The following PCDH7 variants were observed in gnomAD, a reference collection of about 807,000 sequenced individuals.
PCDH7 encodes the protein protocadherin 7, also known as protocadherin-7.
A neutral mutation model predicts 58.9 loss-of-function variants in PCDH7; 17 were observed. The ratio of observed to expected loss-of-function variants is 0.29; its 90% CI spans 0.20 to 0.43. The LOEUF (loss-of-function observed/expected upper bound fraction) is 0.43, where lower values mean the gene tolerates loss of function less well. PCDH7 is among the 20% of genes least tolerant of loss of function. PCDH7 has a pLI of 1.00. For missense variants in PCDH7, 1,274 were observed against 1,441.0 expected, an observed-to-expected ratio of 0.88 and a Z score of 1.88; for synonymous variants, 664 against 616.4, an observed-to-expected ratio of 1.08 and a Z score of -1.14.
chr4:30,729,772 C>G (rs913285243), intron 1 of PCDH7, among the ~76,000 whole-genome samples: 6 of 151,922 alleles, frequency 3.9e-5, no homozygotes, highest in African/African-American at 1.4e-4. Flanking sequence ...TTAGTAGCAT[C>G]CTTAACACAC....
At chr4:30,968,501 G>A (rs1376047165) in intron 3 of PCDH7, among the ~76,000 whole-genome samples, 1 of 149,796 alleles carries the variant, frequency 6.7e-6, no homozygotes, top group East Asian at 2.0e-4. Context: ...CAGAGCACAT[G>A]ATCAGAATCT....
intron 3 of PCDH7, among the ~76,000 whole-genome samples, chr4:31,067,071 G>A (rs1758149655): frequency 6.6e-6 from 1 of 151,930 alleles, no homozygotes; most frequent in African/African-American, 2.4e-5. Flanking sequence ...ACAAGCCCAA[G>A]TTTTAGTTGT....
chr4:30,907,233 C>T (rs1229226412), intron 1 of PCDH7, among the ~76,000 whole-genome samples: 3 of 151,944 alleles, frequency 2.0e-5, no homozygotes, highest in Non-Finnish European at 4.4e-5. Context: ...GCTTCCTTGG[C>T]AACAAAAGCC....
intron 2 of PCDH7, among the ~76,000 whole-genome samples, chr4:30,921,974 A>G (rs973010498): frequency 4.0e-5 from 6 of 151,718 alleles, no homozygotes; most frequent in African/African-American, 1.2e-4. Flanking sequence ...TTATGAGTTT[A>G]TGGGGATTCA....
At chr4:30,738,299 C>G (rs946944485) in intron 1 of PCDH7, among the ~76,000 whole-genome samples, 2 of 151,872 alleles carry the variant, frequency 1.3e-5, no homozygotes, top group African/African-American at 4.8e-5. Context: ...ACACACAGCC[C>G]GTCCATTCCT....
At chr4:30,771,849 G>A (rs576264250) in intron 1 of PCDH7, among the ~76,000 whole-genome samples, 68 of 152,072 alleles carry the variant, frequency 4.5e-4, no homozygotes, top group African/African-American at 1.5e-3. Context: ...AGGGAATATA[G>A]GAATATAGAT....
intron 3 of PCDH7, among the ~76,000 whole-genome samples, chr4:31,140,469 C>A (rs947206407): frequency 1.3e-5 from 2 of 148,198 alleles, no homozygotes; most frequent in African/African-American, 5.0e-5. Context: ...TATTCACTAT[C>A]ATAAGAAAAG....
intron 1 of PCDH7, among the ~76,000 whole-genome samples, chr4:30,868,739 T>A (rs1039534478): frequency 1.3e-5 from 2 of 151,972 alleles, no homozygotes; most frequent in African/African-American, 4.8e-5. Flanking sequence ...CAAAAGCAAT[T>A]TGTTCTTTTA....
downstream of PCDH7, among the ~76,000 whole-genome samples, chr4:30,733,435 G>A (rs547670708): frequency 9.8e-4 from 149 of 152,176 alleles, no homozygotes; most frequent in Non-Finnish European, 1.8e-3. Context: ...GCAGAAAAAT[G>A]TTACTTCGTT....
At chr4:30,984,453 T>C (rs1023634729) in intron 3 of PCDH7, among the ~76,000 whole-genome samples, 1 of 152,208 alleles carries the variant, frequency 6.6e-6, no homozygotes, top group South Asian at 2.1e-4. Context: ...CCAGCCAATT[T>C]TACTTCTCAG....
chr4:30,891,773 G>T (rs1184395381), intron 1 of PCDH7, among the ~76,000 whole-genome samples: 10 of 139,230 alleles, frequency 7.2e-5, no homozygotes, highest in Middle Eastern at 3.9e-3. Context: ...TTGTTTTTTT[G>T]TTTTTTTTTT....
chr4:30,771,784 C>G (rs983383005), intron 1 of PCDH7, among the ~76,000 whole-genome samples: 2 of 151,906 alleles, frequency 1.3e-5, no homozygotes, highest in African/African-American at 2.4e-5. Flanking sequence ...TCATAAAATG[C>G]TTTATGAAAT....
intron 1 of PCDH7, among the ~76,000 whole-genome samples, chr4:30,831,639 C>T (rs896219267): frequency 6.6e-6 from 1 of 152,012 alleles, no homozygotes; most frequent in Non-Finnish European, 1.5e-5. Context: ...TCATTGTATA[C>T]ACCCTCTCTC....
At chr4:31,081,687 T>G (rs73812517) in intron 3 of PCDH7, among the ~76,000 whole-genome samples, 1 of 152,178 alleles carries the variant, frequency 6.6e-6, no homozygotes, top group Non-Finnish European at 1.5e-5. Context: ...CCCCAGCTTA[T>G]TTTTTAAGAA....
chr4:31,126,337 T>G (rs1238594713), intron 3 of PCDH7, among the ~76,000 whole-genome samples: 1 of 152,022 alleles, frequency 6.6e-6, no homozygotes, highest in Non-Finnish European at 1.5e-5. Context: ...TTATTTTCTT[T>G]TTAGTAGATA....
chr4:30,734,234 A>G (rs543526329), downstream of PCDH7, among the ~76,000 whole-genome samples: 184 of 147,388 alleles, frequency 1.2e-3, no homozygotes, highest in African/African-American at 4.2e-3. Context: ...TTAATTTTCT[A>G]TCTTTTTTTT....
intron 3 of PCDH7, among the ~76,000 whole-genome samples, chr4:31,118,024 G>A (rs9996642): frequency 1.3e-5 from 2 of 152,102 alleles, no homozygotes; most frequent in East Asian, 1.9e-4. Context: ...ACTTCTATAC[G>A]TATTCCCTTT....
In PCDH7 at chr4:31,128,071, G is replaced by A. The variant is rs551611745; in HGVS notation, c.*8-14402G>A. Among the ~76,000 whole-genome samples, 6 of 149,676 alleles carry A rather than the reference G, an allele frequency of 4.0e-5. No homozygotes were observed. The South Asian group carries it at 1.0e-3, about 26-fold the overall frequency. ...CATATGCATACATATGTATATATGT[G>A]TGTGTATATATATGCATATATATGT... On this transcript the variant is annotated intron_variant, in intron 3 of 3. Transcript: ENST00000509759.
intron 3 of PCDH7, among the ~76,000 whole-genome samples, chr4:31,079,171 A>G (rs898334935): frequency 1.3e-5 from 2 of 151,354 alleles, no homozygotes; most frequent in African/African-American, 2.4e-5. Context: ...ACAAGACACT[A>G]AAAGTGAAAA....
Sources: allele counts gnomAD v4.1 joint callset (sites outside exome capture counted in the v4.1 genomes callset), GRCh38; gene constraint gnomAD v4.1.1; transcripts MANE v1.5; gene names NCBI Gene and HGNC (gene_info 2026-07-23, HGNC 2026-07-21).